AKAP13: variants seen among roughly 807,000 people sequenced by gnomAD.
The protein encoded by AKAP13 is A-kinase anchoring protein 13.
In AKAP13, 80 loss-of-function variants were observed where a neutral mutation model predicts 264.5. That is an observed-to-expected ratio of 0.30 (90% CI 0.25 to 0.36). The LOEUF is 0.36. Ranked by LOEUF, AKAP13 falls within the 10% of genes least tolerant of loss-of-function variation. AKAP13 has a pLI of 1.00. For synonymous variants in AKAP13, 1,380 were observed against 1,250.2 expected (o/e 1.10, Z -2.19); for missense variants, 3,712 against 3,435.2 (o/e 1.08, Z -2.01).
chr15:85,504,193 G>A (rs2076120229), intron 2 of AKAP13, among the ~76,000 whole-genome samples: 1 of 152,146 alleles, frequency 6.6e-6, no homozygotes, highest in South Asian at 2.1e-4. Flanking sequence ...GCAGAAGTCA[G>A]ATCTTCAGAT....
At chr15:85,683,368 GAAATGTCTA>G (rs1349567796) in intron 15 of AKAP13, among the ~76,000 whole-genome samples, 1 of 152,220 alleles carries the variant, frequency 6.6e-6, no homozygotes, top group Non-Finnish European at 1.5e-5. Flanking sequence ...TGTTCTGTGG[GAAATGTCTA>G]AAATATTTTA....
chr15:85,702,500 C>T (rs759345229), intron 17 of AKAP13: 1 of 152,070 alleles, frequency 6.6e-6, no homozygotes, highest in Non-Finnish European at 1.5e-5. Context: ...TCCCAGGAGT[C>T]GTAGGAAATG....
intron 3 of AKAP13, among the ~76,000 whole-genome samples, chr15:85,526,188 A>G (rs1042747893): frequency 1.3e-5 from 2 of 152,216 alleles, no homozygotes; most frequent in African/African-American, 4.8e-5. Context: ...GTTTAAAGAA[A>G]AAAATTGCAG....
At chr15:85,449,709 A>G (rs2074017464) in intron 1 of AKAP13, among the ~76,000 whole-genome samples, 1 of 152,100 alleles carries the variant, frequency 6.6e-6, no homozygotes, top group Non-Finnish European at 1.5e-5. Flanking sequence ...TGTTTATGTG[A>G]TGAATCACAT....
chr15:85,691,922 C>A (rs1443903279), intron 16 of AKAP13: 3 of 467,348 alleles, frequency 6.4e-6, no homozygotes, highest in African/African-American at 5.9e-5. Context: ...GCCTGCTTTT[C>A]CTGCCTTCCT....
chr15:85,740,398 G>A (rs1597238798), intron 34 of AKAP13, 126 bp downstream of exon 34: 2 of 1,038,772 alleles, frequency 1.9e-6, no homozygotes, highest in Non-Finnish European at 2.8e-6. Context: ...TCAGTCTAGG[G>A]AAGACTGGCT....
At chr15:85,575,718 G>T (rs896633652) in intron 6 of AKAP13, among the ~76,000 whole-genome samples, 4 of 152,140 alleles carry the variant, frequency 2.6e-5, no homozygotes, top group Middle Eastern at 3.2e-3. Context: ...TCCTGGCCAG[G>T]CACAGTGGCT....
intron 1 of AKAP13, among the ~76,000 whole-genome samples, chr15:85,439,799 AT>A (rs1245274116): frequency 8.2e-6 from 1 of 121,836 alleles, no homozygotes; most frequent in African/African-American, 3.1e-5. Context: ...GAAGGGGAAT[AT>A]CACACTCTGG....
rs749457846 is a variant in AKAP13 at position 85,581,370 on chromosome 15, C to G, written c.3302C>G (p.Ala1101Gly). 8 of 1,614,228 alleles carry G rather than the reference C, an allele frequency of 5.0e-6. No homozygotes were observed. In the South Asian group the frequency reaches 8.8e-5, roughly 18 times the overall value. Residue 1101 changes from alanine (A) to glycine (G), a missense_variant, in exon 7 of 37, where the codon GCT becomes GGT. Around this residue, in one of 3 missense-constraint regions of AKAP13, gnomAD observed 2,759 missense variants for 2,411.7 expected, o/e 1.14. Transcript: ENST00000394518. ...VTGVNALQGM[A>G]EPRRENISHN... Reference sequence around the variant, plus strand: ...GGGGTTAATGCTCTACAAGGTATGGCTGAGCCCAGAAGAGAGAATATATCA... The same window carrying G: ...GGGGTTAATGCTCTACAAGGTATGGGTGAGCCCAGAAGAGAGAATATATCA...
At chr15:85,712,394 T>C (rs1051642901) in intron 19 of AKAP13, among the ~76,000 whole-genome samples, 4 of 152,240 alleles carry the variant, frequency 2.6e-5, no homozygotes, top group African/African-American at 9.6e-5. Context: ...CCACATACTT[T>C]TTATGTCTAG....
chr15:85,736,958 G>A (rs962474146), intron 33 of AKAP13, among the ~76,000 whole-genome samples: 1 of 106,980 alleles, frequency 9.3e-6, no homozygotes, highest in Non-Finnish European at 1.7e-5. Flanking sequence ...TTGCTCTGTT[G>A]TCCAGGCTGG....
Position 85,498,197 on chromosome 15 carries a change from G to GATAT in AKAP13, c.33+12445_33+12446insTATA, listed in dbSNP as rs1491342478. On this transcript the variant is annotated intron_variant, in intron 2 of 36. Coordinates refer to ENST00000394518, the MANE Select transcript of AKAP13 (RefSeq NM_007200.5). Reference sequence around the variant, plus strand: ...TGTGGTAGTAAGGATTAAATGAAGTGAGATATATATATATATATATATATA... The same window carrying GATAT: ...TGTGGTAGTAAGGATTAAATGAAGTGATATAGATATATATATATATATATATATA... Among the ~76,000 whole-genome samples the GATAT allele has an allele frequency of 4.2e-3, 125 of 30,056 alleles. 3 individuals are homozygous for GATAT. Among genetic ancestry groups the GATAT allele is most frequent in the East Asian group, 0.011 (18 of 1,586 alleles). 19.7% of individuals were successfully genotyped at this position (30,056 alleles called of 152,430 possible).
At chr15:85,626,215 C>A (rs2081404211) in intron 8 of AKAP13, among the ~76,000 whole-genome samples, 1 of 152,234 alleles carries the variant, frequency 6.6e-6, no homozygotes, top group African/African-American at 2.4e-5. Flanking sequence ...GCTTGCATAT[C>A]TCTAACTGCT....
intron 10 of AKAP13, among the ~76,000 whole-genome samples, chr15:85,648,579 G>C (rs2082664663): frequency 6.6e-6 from 1 of 152,064 alleles, no homozygotes; most frequent in African/African-American, 2.4e-5. Flanking sequence ...GCCAGGCGTG[G>C]TGGATCTTAG....
intron 19 of AKAP13, 35 bp from the exon 20 acceptor site, chr15:85,715,753 T>C (rs2086898476): frequency 6.3e-7 from 1 of 1,581,010 alleles, no homozygotes; most frequent in South Asian, 1.2e-5. Flanking sequence ...TGGAGCTGGA[T>C]GGGTGATGCT....
intron 1 of AKAP13, among the ~76,000 whole-genome samples, chr15:85,439,037 C>G (rs1346185609): frequency 6.7e-6 from 1 of 148,608 alleles, no homozygotes; most frequent in Non-Finnish European, 1.5e-5. Context: ...AGGCAACCTA[C>G]AAAATGGGAG....
intron 17 of AKAP13, among the ~76,000 whole-genome samples, chr15:85,703,549 TTTTA>T (rs1394380009): frequency 6.6e-6 from 1 of 152,158 alleles, no homozygotes; most frequent in Non-Finnish European, 1.5e-5. Flanking sequence ...CCCCCAAAGA[TTTTA>T]TTTATTGGCC....
chr15:85,704,240 A>T (rs1250550340), intron 17 of AKAP13, among the ~76,000 whole-genome samples: 1 of 152,182 alleles, frequency 6.6e-6, no homozygotes, highest in East Asian at 1.9e-4. Flanking sequence ...TTGGCTGCAT[A>T]TGACTCAGCT....
intron 10 of AKAP13, among the ~76,000 whole-genome samples, chr15:85,655,210 G>T (rs1410896062): frequency 6.6e-6 from 1 of 151,974 alleles, no homozygotes; most frequent in African/African-American, 2.4e-5. Context: ...AAAAAAAAGA[G>T]GATAGATCTA....
Sources: gnomAD v4.1 joint callset for allele counts (sites outside exome capture counted in the v4.1 genomes callset) on GRCh38, gnomAD v4.1.1 for gene constraint, gnomAD v4.1.1 regional missense constraint, MANE v1.5 for transcripts, NCBI Gene and HGNC (gene_info 2026-07-23, HGNC 2026-07-21) for gene names.